The following VANGL1 variants were observed in gnomAD, a reference collection of about 807,000 sequenced individuals.
VANGL1 encodes vang-like protein 1.
Under a neutral mutation model 48.4 loss-of-function variants are expected in VANGL1, and 18 were observed. That is an observed-to-expected ratio of 0.37 (90% CI 0.26 to 0.55). The LOEUF is 0.55. Ranked by LOEUF, VANGL1 falls within the 20% of genes least tolerant of loss-of-function variation. VANGL1 has a pLI of 0.81. For missense variants in VANGL1, 667 were observed against 675.8 expected (o/e 0.99, Z 0.14); for synonymous variants, 257 against 261.8 (o/e 0.98, Z 0.18).
At chr1:115,678,050 A>G (rs1653231983) in intron 4 of VANGL1, among the ~76,000 whole-genome samples, 1 of 152,210 alleles carries the variant, frequency 6.6e-6, no homozygotes, top group African/African-American at 2.4e-5. Context: ...ATGAACAGAG[A>G]AGTTAAGCCT....
chr1:115,676,367 G>A (rs1206276828), intron 4 of VANGL1, among the ~76,000 whole-genome samples: 1 of 152,272 alleles, frequency 6.6e-6, no homozygotes, highest in East Asian at 1.9e-4. Context: ...GGAAAACTGT[G>A]CAGAGTGGAC....
rs372648624 is a variant in VANGL1 at position 115,685,546 on chromosome 1, G to T, written c.1314+19G>T. On this transcript the variant is annotated intron_variant, in intron 7 of 7. Coordinates refer to ENST00000355485, the MANE Select transcript of VANGL1 (RefSeq NM_138959.3). ...CCCCAAGGTGCGCTGCTCCGGGCGG[G>T]CTCTGCCACCGTCATCCTGGCTTGT... 1 of 1,612,150 alleles carries T rather than the reference G, an allele frequency of 6.2e-7. No homozygotes were observed. Among genetic ancestry groups the T allele is most frequent in the Non-Finnish European group, 8.5e-7 (1 of 1,178,960 alleles).
At chr1:115,684,436 G>A (rs866141383) in intron 6 of VANGL1, among the ~76,000 whole-genome samples, 1 of 152,210 alleles carries the variant, frequency 6.6e-6, no homozygotes, top group Middle Eastern at 3.4e-3. Flanking sequence ...CACCATGCCC[G>A]GCCTCTTGTA....
intron 4 of VANGL1, among the ~76,000 whole-genome samples, chr1:115,669,569 C>T (rs929817937): frequency 6.6e-6 from 1 of 152,162 alleles, no homozygotes; most frequent in East Asian, 1.9e-4. Flanking sequence ...GAGTAAGTCT[C>T]ACAAGATCTG....
Position 115,691,472 on chromosome 1 carries a change from T to G in VANGL1, c.*93T>G, listed in dbSNP as rs2101040958. 1 of 1,361,976 alleles carries G rather than the reference T, an allele frequency of 7.3e-7. No homozygotes were observed. Among genetic ancestry groups the G allele is most frequent in the African/African-American group, 1.5e-5 (1 of 67,742 alleles). The allele number at this position is 1,361,976 out of a possible 1,614,324, so 84.4% of individuals were successfully genotyped here. A position where few individuals can be genotyped will look rare whatever the true frequency, so the allele number is the denominator to read the frequency against. ...GAGGGGTGTCTTTTTTAAAAATTCT[T>G]CTTCATTGCTGACTGAAACTGGCAG... is the stretch of plus-strand genomic sequence containing the variant. On this transcript the variant is annotated 3_prime_UTR_variant, in exon 8 of 8. Transcript: ENST00000355485.
At chr1:115,656,184 T>C (rs951906664) in intron 2 of VANGL1, among the ~76,000 whole-genome samples, 1 of 152,208 alleles carries the variant, frequency 6.6e-6, no homozygotes, top group African/African-American at 2.4e-5. Flanking sequence ...GACTGCACAC[T>C]GTCCTGAGCT....
intron 3 of VANGL1, among the ~76,000 whole-genome samples, chr1:115,662,527 T>G (rs914436307): frequency 2.0e-5 from 3 of 152,246 alleles, no homozygotes; most frequent in African/African-American, 7.2e-5. Context: ...GTGAATAGAC[T>G]AATTGCTTTA....
chr1:115,651,590 G>A lies in VANGL1; in HGVS notation c.71+106G>A, dbSNP rs1652150463. Reference sequence around the variant, plus strand: ...TGACTCAGCGCTGGACATTTGGTCGGTTGGTGCATGAGAAGCTGAGCTTTA... The same window carrying A: ...TGACTCAGCGCTGGACATTTGGTCGATTGGTGCATGAGAAGCTGAGCTTTA... On this transcript the variant is annotated intron_variant, in intron 2 of 7. Transcript: ENST00000355485. 3 of 945,276 alleles carry A rather than the reference G, an allele frequency of 3.2e-6. No homozygotes were observed. The South Asian group carries it at 4.1e-5, about 13-fold the overall frequency. The allele number at this position is 945,276 out of a possible 1,614,324, so 58.6% of individuals were successfully genotyped here. A position where few individuals can be genotyped will look rare whatever the true frequency, so the allele number is the denominator to read the frequency against.
rs1032483123 is a variant in VANGL1, at chr1:115,682,399, A to G, written c.848A>G (p.Tyr283Cys). ...QRAALVVLEN[Y>C]YKDFTIYNPN... ...GCAGCATTGGTGGTCCTAGAAAATT[A>G]CTACAAAGATTTCACCATCTATAAC... The change falls in exon 5 of 8, where the codon TAC becomes TGC. Residue 283 changes from tyrosine (Y) to cysteine (C), a missense_variant. Coordinates refer to ENST00000355485, the MANE Select transcript of VANGL1 (RefSeq NM_138959.3). The G allele has an allele frequency of 5.0e-6, 8 of 1,614,074 alleles. No homozygotes were observed. The highest frequency in any genetic ancestry group is 2.2e-5 in the East Asian group (1 of 44,894).
chr1:115,651,105 G>A (rs747146828), intron 1 of VANGL1, among the ~76,000 whole-genome samples, 172 bp from the exon 2 acceptor site: 1 of 152,056 alleles, frequency 6.6e-6, no homozygotes, highest in African/African-American at 2.4e-5. Flanking sequence ...CAGACACCTG[G>A]GAAAACTGGT....
intron 4 of VANGL1, among the ~76,000 whole-genome samples, chr1:115,666,294 A>G (rs1265761285): frequency 2.6e-5 from 4 of 151,938 alleles, no homozygotes; most frequent in Non-Finnish European, 4.4e-5. Context: ...GGACCGACTT[A>G]CCCCCATGGG....
rs139525252 is a variant in VANGL1 at position 115,644,987 on chromosome 1, A to C, written c.-138+2901A>C. Among the ~76,000 whole-genome samples, 121 of 152,360 alleles carry C rather than the reference A, an allele frequency of 7.9e-4. 1 individual carries two copies. The highest frequency in any genetic ancestry group is 2.8e-3 in the African/African-American group (115 of 41,580). ...AAAAGAATCATTGGGTTTGTCACAA[A>C]TGCCATAAGCCCAGCAGATCCTCAC... On this transcript the variant is annotated intron_variant, in intron 1 of 7. Transcript: ENST00000355485.
intron 7 of VANGL1, among the ~76,000 whole-genome samples, chr1:115,685,924 T>C (rs769532114): frequency 2.3e-4 from 35 of 152,064 alleles, no homozygotes; most frequent in Non-Finnish European, 4.4e-4. Context: ...ACCTGTTAAT[T>C]GGTTAGGATA....
chr1:115,652,286 C>A (rs1039905440), intron 2 of VANGL1, among the ~76,000 whole-genome samples: 1 of 152,156 alleles, frequency 6.6e-6, no homozygotes, highest in Non-Finnish European at 1.5e-5. Flanking sequence ...AGCAGGTGTG[C>A]ACTGGTATTC....
Position 115,695,983 on chromosome 1 carries a change from T to G in VANGL1, c.*4604T>G, listed in dbSNP as rs556409337. The G allele has an allele frequency of 6.6e-6, 1 of 152,278 alleles. No homozygotes were observed. The highest frequency in any genetic ancestry group is 6.5e-5 in the Admixed American group (1 of 15,300). The allele number at this position is 152,278 out of a possible 1,614,324, so 9.4% of individuals were successfully genotyped here. Reference sequence around the variant, plus strand: ...TTTACACCTTGTCCCTTGGAAAGCTTCTCCACTATGCTAGCAAATATCTTA... The same window carrying G: ...TTTACACCTTGTCCCTTGGAAAGCTGCTCCACTATGCTAGCAAATATCTTA... On this transcript the variant is annotated 3_prime_UTR_variant, in exon 8 of 8. Coordinates refer to ENST00000355485, the MANE Select transcript of VANGL1 (RefSeq NM_138959.3).
chr1:115,673,866 C>G (rs1653071768), intron 4 of VANGL1, among the ~76,000 whole-genome samples: 1 of 152,086 alleles, frequency 6.6e-6, no homozygotes, highest in African/African-American at 2.4e-5. Context: ...TCCCAAAGTG[C>G]TGGGATTACA....
At chr1:115,678,202 A>G (rs1653236828) in intron 4 of VANGL1, among the ~76,000 whole-genome samples, 1 of 152,202 alleles carries the variant, frequency 6.6e-6, no homozygotes, top group Non-Finnish European at 1.5e-5. Flanking sequence ...ATCACTGTTG[A>G]TGCTGCAAGT....
chr1:115,665,407 T>C (rs1455945799), intron 4 of VANGL1, among the ~76,000 whole-genome samples: 1 of 152,256 alleles, frequency 6.6e-6, no homozygotes, highest in Non-Finnish European at 1.5e-5. Context: ...CAGCTATTAC[T>C]GCTGTGATCA....
At chr1:115,674,886 G>A (rs1653107741) in intron 4 of VANGL1, among the ~76,000 whole-genome samples, 1 of 152,156 alleles carries the variant, frequency 6.6e-6, no homozygotes, top group Non-Finnish European at 1.5e-5. Context: ...GATTGCAGAA[G>A]CCACAATCAA....
Sources: gnomAD v4.1 joint callset for allele counts (sites outside exome capture counted in the v4.1 genomes callset) on GRCh38, gnomAD v4.1.1 for gene constraint, MANE v1.5 for transcripts, NCBI Gene and HGNC (gene_info 2026-07-23, HGNC 2026-07-21) for gene names.